The following ASIC2 variants were observed in gnomAD, a reference collection of about 807,000 sequenced individuals.
The protein encoded by ASIC2 is acid sensing ion channel subunit 2.
In ASIC2, 25 loss-of-function variants were observed where a neutral mutation model predicts 57.3. The observed-to-expected ratio is 0.44, with a 90% CI of 0.32 to 0.61. The LOEUF (loss-of-function observed/expected upper bound fraction) is 0.61. Ranked by LOEUF, ASIC2 falls within the 20% of genes least tolerant of loss-of-function variation. The pLI, the probability that ASIC2 is intolerant of heterozygous loss-of-function variation, is 0.06. For missense variants in ASIC2, 641 were observed against 738.1 expected (o/e 0.87, Z 1.52); for synonymous variants, 319 against 307.5 (o/e 1.04, Z -0.39).
intron 1 of ASIC2, among the ~76,000 whole-genome samples, chr17:33,859,509 A>C (rs1056640680): frequency 6.6e-6 from 1 of 152,234 alleles, no homozygotes; most frequent in Non-Finnish European, 1.5e-5. Flanking sequence ...CCAGTATCAC[A>C]CTGGGAGCAA....
intron 1 of ASIC2, among the ~76,000 whole-genome samples, chr17:33,674,045 C>A (rs1209830952): frequency 6.6e-6 from 1 of 152,116 alleles, no homozygotes; most frequent in African/African-American, 2.4e-5. Context: ...AGGCACATGC[C>A]ACCAAGCCCA....
intron 1 of ASIC2, among the ~76,000 whole-genome samples, chr17:33,464,890 A>G (rs1477646039): frequency 6.6e-6 from 1 of 151,908 alleles, no homozygotes; most frequent in Non-Finnish European, 1.5e-5. Context: ...AGGACTTTTC[A>G]CAGTTTACAA....
chr17:33,790,973 T>A (rs1490650480), intron 1 of ASIC2, among the ~76,000 whole-genome samples: 2 of 152,178 alleles, frequency 1.3e-5, no homozygotes, highest in East Asian at 3.9e-4. Flanking sequence ...GCTGAGCAAG[T>A]GATCATATAG....
At chr17:33,695,440 A>G (rs1908495248) in intron 1 of ASIC2, among the ~76,000 whole-genome samples, 1 of 152,198 alleles carries the variant, frequency 6.6e-6, no homozygotes, top group Admixed American at 6.5e-5. Flanking sequence ...TTAAAAAATT[A>G]AAAAATACAT....
chr17:33,707,774 G>A (rs575037691), intron 1 of ASIC2, among the ~76,000 whole-genome samples: 43 of 152,188 alleles, frequency 2.8e-4, no homozygotes, highest in Non-Finnish European at 5.0e-4. Flanking sequence ...TAAAAGTGAA[G>A]CATTGCAGAG....
chr17:33,596,443 G>A (rs543567791), intron 1 of ASIC2, among the ~76,000 whole-genome samples: 2 of 152,182 alleles, frequency 1.3e-5, no homozygotes, highest in East Asian at 1.9e-4. Context: ...TGATATAACG[G>A]GGGAGAAAAG....
intron 1 of ASIC2, among the ~76,000 whole-genome samples, chr17:34,135,892 A>T (rs1286913719): frequency 6.6e-6 from 1 of 152,160 alleles, no homozygotes; most frequent in African/African-American, 2.4e-5. Context: ...TCTAAAAAAA[A>T]TAATAATGTG....
intron 3 of ASIC2, among the ~76,000 whole-genome samples, chr17:33,030,243 G>A (rs1441260703): frequency 6.6e-6 from 1 of 152,076 alleles, no homozygotes; most frequent in Non-Finnish European, 1.5e-5. Flanking sequence ...ACATTTCCAT[G>A]AATCCCCAGA....
intron 1 of ASIC2, among the ~76,000 whole-genome samples, chr17:33,585,009 T>C (rs1374605001): frequency 6.6e-6 from 1 of 151,074 alleles, no homozygotes; most frequent in Non-Finnish European, 1.5e-5. Context: ...TGGAGAAGAG[T>C]TTTGGGGCCC....
At chr17:33,582,734 C>T (rs1261300619) in intron 1 of ASIC2, among the ~76,000 whole-genome samples, 1 of 152,170 alleles carries the variant, frequency 6.6e-6, no homozygotes, top group East Asian at 1.9e-4. Context: ...ACAAGGTACT[C>T]GATTGGTCTC....
At chr17:34,088,918 G>A (rs545664428) in intron 1 of ASIC2, among the ~76,000 whole-genome samples, 4 of 152,294 alleles carry the variant, frequency 2.6e-5, no homozygotes, top group South Asian at 2.1e-4. Flanking sequence ...GGAGTGACAC[G>A]ATTTTCCAGG....
chr17:33,422,852 G>C (rs1263480423), intron 1 of ASIC2, among the ~76,000 whole-genome samples: 1 of 152,176 alleles, frequency 6.6e-6, no homozygotes, highest in African/African-American at 2.4e-5. Flanking sequence ...GTCAGAGTTG[G>C]TATACCCGGG....
chr17:33,507,556 C>T (rs1258482432), intron 1 of ASIC2, among the ~76,000 whole-genome samples: 1 of 152,154 alleles, frequency 6.6e-6, no homozygotes, highest in African/African-American at 2.4e-5. Flanking sequence ...TGGTCTCTGT[C>T]ATATATGCTT....
intron 1 of ASIC2, among the ~76,000 whole-genome samples, chr17:33,193,318 A>C (rs1906499574): frequency 6.6e-6 from 1 of 152,172 alleles, no homozygotes; most frequent in Admixed American, 6.5e-5. Flanking sequence ...TGACTGCCTG[A>C]GAGATTTGTG....
In ASIC2 at chr17:33,292,032, C is replaced by T; in HGVS notation, c.84G>A (p.Ala28=). 7 of 1,169,736 alleles carry T rather than the reference C, an allele frequency of 6.0e-6. No homozygotes were observed. The highest frequency in any genetic ancestry group is 1.6e-5 in the African/African-American group (1 of 61,224). 72.5% of individuals were successfully genotyped at this position (1,169,736 alleles called of 1,614,324 possible). The part of the protein sequence containing the change: ...GRFRMAREEP[A]PAALAAAGQP... ...GCCCGGCAGCCGCCAACGCCGCGGGCGCCGGCTCCTCGCGGGCCATGCGGA... is the reference window on the plus strand; with the variant it reads ...GCCCGGCAGCCGCCAACGCCGCGGGTGCCGGCTCCTCGCGGGCCATGCGGA... Residue 28 remains alanine, a synonymous_variant, in exon 1 of 10, where the codon GCG becomes GCA. Transcript: ENST00000225823.
chr17:33,916,595 T>C (rs1375332453), intron 1 of ASIC2, among the ~76,000 whole-genome samples: 1 of 152,202 alleles, frequency 6.6e-6, no homozygotes, highest in Non-Finnish European at 1.5e-5. Context: ...TCTAATACAA[T>C]CATCAGTGAC....
chr17:33,031,277 C>T (rs577421983), intron 3 of ASIC2, among the ~76,000 whole-genome samples: 20 of 152,198 alleles, frequency 1.3e-4, no homozygotes, highest in African/African-American at 4.3e-4. Flanking sequence ...TTGTTCATTT[C>T]ATCTAGATTT....
At chr17:33,124,089 G>A (rs1267036281) in intron 1 of ASIC2, among the ~76,000 whole-genome samples, 1 of 152,188 alleles carries the variant, frequency 6.6e-6, no homozygotes, top group Non-Finnish European at 1.5e-5. Context: ...AATAGGTAAC[G>A]ACCCATATGG....
intron 1 of ASIC2, among the ~76,000 whole-genome samples, chr17:34,015,801 T>G (rs902974448): frequency 2.6e-5 from 4 of 152,148 alleles, no homozygotes; most frequent in Non-Finnish European, 5.9e-5. Flanking sequence ...TTAAACAAAA[T>G]AAAAAACAAA....
Sources: gnomAD v4.1 joint callset for allele counts (sites outside exome capture counted in the v4.1 genomes callset) on GRCh38, gnomAD v4.1.1 for gene constraint, MANE v1.5 for transcripts, NCBI Gene and HGNC (gene_info 2026-07-23, HGNC 2026-07-21) for gene names.